ABTB1: variants seen among roughly 807,000 people sequenced by gnomAD.
The protein encoded by ABTB1 is ankyrin repeat and BTB domain containing 1.
In ABTB1, 45 loss-of-function variants were observed where a neutral mutation model predicts 57.1. The observed-to-expected ratio is 0.79, with a 90% CI of 0.62 to 1.01. The LOEUF (loss-of-function observed/expected upper bound fraction) is 1.01, where lower values mean the gene tolerates loss of function less well. Ranked by LOEUF, ABTB1 falls within the 50% of genes least tolerant of loss-of-function variation. ABTB1 has a pLI of 0.00. For missense variants in ABTB1, 630 were observed against 666.3 expected, an observed-to-expected ratio of 0.95 and a Z score of 0.60; for synonymous variants, 302 against 275.4, an observed-to-expected ratio of 1.10 and a Z score of -0.95.
chr3:127,677,521 C>T lies in ABTB1; in HGVS notation c.819C>T (p.Asp273=), dbSNP rs367584134. Residue 273 remains aspartate, a synonymous_variant, in exon 9 of 12, where the codon GAC becomes GAT. Transcript: ENST00000232744. The part of the protein sequence containing the change: ...PCPDGFNSCP[D]ICFRVAGCSF... ...CTGACGGCTTCAACAGCTGCCCTGA[C>T]ATCTGCTTCCGAGTGGCTGGCTGCA... is the stretch of plus-strand genomic sequence containing the variant. The T allele has an allele frequency of 1.5e-5, 25 of 1,613,946 alleles. No homozygotes were observed. Among genetic ancestry groups the T allele is most frequent in the Non-Finnish European group, 2.1e-5 (25 of 1,180,026 alleles).
At position 127,680,373 on chromosome 3, in the gene ABTB1, C is replaced by T. The variant is rs935190393; in HGVS notation, c.1335C>T (p.Phe445=). The change falls in exon 12 of 12, where the codon TTC becomes TTT. Residue 445 remains phenylalanine (F), a synonymous_variant. Coordinates refer to ENST00000232744, the MANE Select transcript of ABTB1 (RefSeq NM_172027.3). ...TCCCGCTGGTGGACGACATCCGCTT[C>T]CACGTGGCCAGCACGGTGCAGACCT... ...DSIPLVDDIR[F]HVASTVQTYS... 9 of 1,608,274 alleles carry T rather than the reference C, an allele frequency of 5.6e-6. No individual in the cohort carries two copies. The highest frequency in any genetic ancestry group is 5.9e-6 in the Non-Finnish European group (7 of 1,177,752).
chr3:127,673,880 T>C (rs1006784482), intron 1 of ABTB1, among the ~76,000 whole-genome samples: 2 of 152,184 alleles, frequency 1.3e-5, no homozygotes, highest in African/African-American at 2.4e-5. Context: ...CCCGCCTCAG[T>C]GGGGCTGCAT....
chr3:127,675,661 G>C lies in ABTB1; in HGVS notation c.176-309G>C. ...CTAGAGTATAAGTTCAGCAGGACAG[G>C]GACCTGTGTCTCGTTCACTGCTGTG... On this transcript the variant is annotated intron_variant, in intron 3 of 11. Coordinates refer to ENST00000232744, the MANE Select transcript of ABTB1 (RefSeq NM_172027.3). 6 of 428,566 alleles carry C rather than the reference G, an allele frequency of 1.4e-5. 1 individual carries two copies. In the South Asian group the frequency reaches 1.9e-4, roughly 13 times the overall value. 26.5% of individuals were successfully genotyped at this position (428,566 alleles called of 1,614,324 possible). A position where few individuals can be genotyped will look rare whatever the true frequency, so the allele number is the denominator to read the frequency against.
At chr3:127,674,684 A>G in intron 3 of ABTB1, 84 bp downstream of exon 3, 1 of 1,516,910 alleles carries the variant, frequency 6.6e-7, no homozygotes, top group Non-Finnish European at 9.1e-7. Flanking sequence ...CGTGCATTCA[A>G]AGGCCTTGAT....
intron 1 of ABTB1, chr3:127,674,073 A>G: frequency 2.5e-6 from 1 of 405,056 alleles, no homozygotes. Flanking sequence ...GTGGGAGTGA[A>G]GGCTCCATCA....
At chr3:127,673,373 T>G in intron 1 of ABTB1, 1 of 256,098 alleles carries the variant, frequency 3.9e-6, no homozygotes. Context: ...GGCGGGCCAC[T>G]GTTCGCCCTG....
intron 10 of ABTB1, chr3:127,679,768 C>A (rs1351225825): frequency 1.7e-6 from 1 of 592,618 alleles, no homozygotes; most frequent in Non-Finnish European, 3.0e-6. Flanking sequence ...ATGGGAGAAC[C>A]CCCCAGTCTT....
chr3:127,680,093 A>T lies in ABTB1; in HGVS notation c.1138A>T (p.Thr380Ser), dbSNP rs1170727337. Residue 380 changes from threonine (T) to serine (S), a missense_variant, in exon 11 of 12, where the codon ACT becomes TCT. By Grantham distance (58) the Thr-to-Ser change is moderately conservative. Transcript: ENST00000232744. ...RSLAQMLDED[T>S]VVGVWRVAKL... ...CCTGGCTCAGATGCTAGACGAGGAC[A>T]CTGTGGTGGGTGTGTGGCGCGTGGC... 1.2e-6 allele frequency: 2 copies of T among 1,613,744 alleles called. 1 individual carries two copies. The highest frequency in any genetic ancestry group is 2.2e-5 in the South Asian group (2 of 91,092).
Position 127,676,419 on chromosome 3 carries a change from C to T in ABTB1, c.468C>T (p.Leu156=). The T allele has an allele frequency of 6.2e-7, 1 of 1,614,032 alleles. No individual in the cohort carries two copies. The highest frequency in any genetic ancestry group is 2.2e-5 in the East Asian group (1 of 44,872). ...GGAAGGGCAAGAGTGTCGTGGTTCTCAGGCACCCACTGGTATGTCCCTTCA... is the reference window on the plus strand; with the variant it reads ...GGAAGGGCAAGAGTGTCGTGGTTCTTAGGCACCCACTGGTATGTCCCTTCA... ...TKWKGKSVVV[L]RHPLINPVAF... Residue 156 remains leucine, a synonymous_variant, in exon 5 of 12, where the codon CTC becomes CTT. Transcript: ENST00000232744. This position sits in a 1 kb window ranked among gnomAD's most constrained non-coding sequence, Gnocchi z 5.4.
In ABTB1 at chr3:127,680,531, A is replaced by G; in HGVS notation, c.*56A>G. The G allele has an allele frequency of 6.3e-7, 1 of 1,583,468 alleles. No individual in the cohort carries two copies. Among genetic ancestry groups the G allele is most frequent in the South Asian group, 1.1e-5 (1 of 90,110 alleles). ...AGCTCTCTTGGAGACAAGCATGTGT[A>G]TGCGTTTGTGTGCAGCTCTTCTTCC... On this transcript the variant is annotated 3_prime_UTR_variant, in exon 12 of 12. Coordinates refer to ENST00000232744, the MANE Select transcript of ABTB1 (RefSeq NM_172027.3).
rs745814862 is a variant in ABTB1 at position 127,680,086 on chromosome 3, C to T, written c.1131C>T (p.Asp377=). Residue 377 remains aspartate, a synonymous_variant, in exon 11 of 12, where the codon GAC becomes GAT. Transcript: ENST00000232744. ...GCCGCAGCCTGGCTCAGATGCTAGA[C>T]GAGGACACTGTGGTGGGTGTGTGGC... is the stretch of plus-strand genomic sequence containing the variant. ...LCGRSLAQML[D]EDTVVGVWRV... is the part of the protein sequence containing the mutation. The T allele has an allele frequency of 6.8e-6, 11 of 1,613,772 alleles. No homozygotes were observed. Among genetic ancestry groups the T allele is most frequent in the Admixed American group, 1.7e-5 (1 of 60,010 alleles).
rs771839204 is a variant in ABTB1 at position 127,677,260 on chromosome 3, G to A, written c.736G>A (p.Asp246Asn). 42 of 1,593,836 alleles carry A rather than the reference G, an allele frequency of 2.6e-5. No individual in the cohort carries two copies. Among genetic ancestry groups the A allele is most frequent in the East Asian group, 2.3e-4 (10 of 44,070 alleles). The change falls in exon 8 of 12, where the codon GAT (aspartate) becomes AAT (asparagine). Residue 246 changes from aspartate (D) to asparagine (N), a missense_variant. By Grantham distance (23) the Asp-to-Asn change is conservative. Around this residue, in one of 3 missense-constraint regions of ABTB1, gnomAD observed 579 missense variants for 585.9 expected, o/e 0.99. Coordinates refer to ENST00000232744, the MANE Select transcript of ABTB1 (RefSeq NM_172027.3). ...CCGGGAGGACATGGCGCTGCTGGCC[G>A]ATTGTGCCCTGCCCCCCGAGCTCCG... Reference protein sequence around the residue: ...RLREDMALLADCALPPELRGD... With the variant: ...RLREDMALLANCALPPELRGD...
Position 127,673,009 on chromosome 3 carries a change from G to T in ABTB1, c.-17G>T, listed in dbSNP as rs765558086. 7 of 1,558,132 alleles carry T rather than the reference G, an allele frequency of 4.5e-6. No individual in the cohort carries two copies. In the East Asian group the frequency reaches 1.5e-4, roughly 33 times the overall value. On this transcript the variant is annotated 5_prime_UTR_variant, in exon 1 of 12. Transcript: ENST00000232744. ...CGCCGCCCGAGGTCGTTCGGCTCGG[G>T]TACCATCCTCCGCGCCATGGACACC...
chr3:127,675,313 G>A (rs2074954334), intron 3 of ABTB1, among the ~76,000 whole-genome samples: 1 of 145,978 alleles, frequency 6.9e-6, no homozygotes, highest in African/African-American at 2.6e-5. Flanking sequence ...TGTCACCCAG[G>A]CTGGAGTGTA....
Position 127,677,738 on chromosome 3 carries a change from C to A in ABTB1, c.924C>A (p.Ser308Arg), listed in dbSNP as rs146406722. ...TGCTGGATGACCACTTCCGAGAGAGCGAGGAGCCAGCGACCTCAGGGGGCC... is the reference window on the plus strand; with the variant it reads ...TGCTGGATGACCACTTCCGAGAGAGAGAGGAGCCAGCGACCTCAGGGGGCC... The part of the protein sequence containing the change: ...RALLDDHFRE[S>R]EEPATSGGPP... Residue 308 changes from serine to arginine, a missense_variant, in exon 10 of 12, where the codon AGC becomes AGA. This residue lies in a region of ABTB1 where 579 missense variants were observed against 585.9 expected (regional missense o/e 0.99). Coordinates refer to ENST00000232744, the MANE Select transcript of ABTB1 (RefSeq NM_172027.3). The A allele has an allele frequency of 7.8e-5, 126 of 1,610,094 alleles. No individual in the cohort carries two copies. The highest frequency in any genetic ancestry group is 1.1e-4 in the Non-Finnish European group (126 of 1,178,396).
At chr3:127,673,262 C>T in intron 1 of ABTB1, 181 bp downstream of exon 1, 2 of 515,626 alleles carry the variant, frequency 3.9e-6, no homozygotes, top group African/African-American at 4.1e-5. Context: ...AGCGGAAGCG[C>T]GCTGGGGCGG....
At position 127,680,792 on chromosome 3, in the gene ABTB1, C is replaced by A; in HGVS notation, c.*317C>A. 3.0e-6 allele frequency: 2 copies of A among 660,896 alleles called. No homozygotes were observed. Among genetic ancestry groups the A allele is most frequent in the Non-Finnish European group, 5.4e-6 (2 of 370,674 alleles). 40.9% of individuals were successfully genotyped at this position (660,896 alleles called of 1,614,324 possible). A position where few individuals can be genotyped will look rare whatever the true frequency, so the allele number is the denominator to read the frequency against. Reference sequence around the variant, plus strand: ...CCAGATCCCCCCTACCCACCCCAGTCCCAAATCCAGTCCTCTGGCCCTTGC... The same window carrying A: ...CCAGATCCCCCCTACCCACCCCAGTACCAAATCCAGTCCTCTGGCCCTTGC... On this transcript the variant is annotated 3_prime_UTR_variant, in exon 12 of 12. Coordinates refer to ENST00000232744, the MANE Select transcript of ABTB1 (RefSeq NM_172027.3).
intron 10 of ABTB1, chr3:127,678,225 C>G (rs2075033620): frequency 4.1e-6 from 1 of 245,520 alleles, no homozygotes; most frequent in Admixed American, 5.0e-5. Flanking sequence ...CCAGCTGCCC[C>G]AAGGTGTCCG....
chr3:127,676,887 G>C lies in ABTB1; in HGVS notation c.527-80G>C. On this transcript the variant is annotated intron_variant, in intron 6 of 11. Coordinates refer to ENST00000232744, the MANE Select transcript of ABTB1 (RefSeq NM_172027.3). This position sits in a 1 kb window ranked among gnomAD's most constrained non-coding sequence, Gnocchi z 5.4. ...CCTAGTCCTGCAGCCAGGTGGCCAG[G>C]TGGGAGGGGATCACCCTTTTTCTGT... 1 of 1,419,936 alleles carries C rather than the reference G, an allele frequency of 7.0e-7. No homozygotes were observed. The highest frequency in any genetic ancestry group is 9.8e-7 in the Non-Finnish European group (1 of 1,024,958). The allele number at this position is 1,419,936 out of a possible 1,614,324, so 88.0% of individuals were successfully genotyped here.
Sources: allele counts gnomAD v4.1 joint callset (sites outside exome capture counted in the v4.1 genomes callset), GRCh38; gene constraint gnomAD v4.1.1; regional missense constraint gnomAD v4.1.1; non-coding constraint Gnocchi (gnomAD v3.1); transcripts MANE v1.5; gene names NCBI Gene and HGNC (gene_info 2026-07-23, HGNC 2026-07-21).